The following ADAM23 variants were observed in gnomAD, a reference collection of about 807,000 sequenced individuals.
ADAM23 encodes ADAM metallopeptidase domain 23, also known as disintegrin and metalloproteinase domain-containing protein 23.
Under a neutral mutation model 120.1 loss-of-function variants are expected in ADAM23, and 33 were observed. The ratio of observed to expected loss-of-function variants is 0.27; its 90% confidence interval spans 0.21 to 0.37. The LOEUF (loss-of-function observed/expected upper bound fraction) is 0.37. Ranked by LOEUF, ADAM23 falls within the 10% of genes least tolerant of loss-of-function variation. The probability of loss-of-function intolerance (pLI) is 1.00; values close to 1 mark genes in which losing one functional copy is unlikely to be tolerated. For synonymous variants in ADAM23, 367 were observed against 375.2 expected, an observed-to-expected ratio of 0.98 and a Z score of 0.25; for missense variants, 862 against 1,058.2, an observed-to-expected ratio of 0.81 and a Z score of 2.57.
At chr2:206,564,108 A>G (rs974405146) in intron 13 of ADAM23, among the ~76,000 whole-genome samples, 2 of 152,010 alleles carry the variant, frequency 1.3e-5, no homozygotes, top group African/African-American at 4.8e-5. Flanking sequence ...TAAAAAATCC[A>G]TTTGGAAGTC....
At position 206,465,324 on chromosome 2, in the gene ADAM23, G is replaced by A. The variant is rs532212866; in HGVS notation, c.433-15908G>A. Reference sequence around the variant, plus strand: ...CGAAGAATTGAGATTACAGGTGTGAGCCACTGCATCTGGCCTACGTTCTTG... The same window carrying A: ...CGAAGAATTGAGATTACAGGTGTGAACCACTGCATCTGGCCTACGTTCTTG... On this transcript the variant is annotated intron_variant, in intron 2 of 25. Transcript: ENST00000264377. 2.0e-5 allele frequency among the ~76,000 whole-genome samples: 3 copies of A among 152,244 alleles called. No individual in the cohort carries two copies. The South Asian group carries it at 6.2e-4, about 32-fold the overall frequency.
At chr2:206,578,832 G>C (rs1471398567) in intron 18 of ADAM23, among the ~76,000 whole-genome samples, 1 of 152,102 alleles carries the variant, frequency 6.6e-6, no homozygotes, top group Non-Finnish European at 1.5e-5. Context: ...TTCCATAGTG[G>C]CGGTACTAGT....
chr2:206,588,657 T>G (rs2105846213), intron 20 of ADAM23, among the ~76,000 whole-genome samples: 1 of 152,322 alleles, frequency 6.6e-6, no homozygotes, highest in Admixed American at 6.5e-5. Context: ...CTTAGTACAT[T>G]CCGTAAAAGT....
At chr2:206,605,980 C>G in intron 24 of ADAM23, 1 of 585,598 alleles carries the variant, frequency 1.7e-6, no homozygotes, top group East Asian at 2.9e-5. Flanking sequence ...GACCGTGTTT[C>G]CTGTGGTAGT....
intron 18 of ADAM23, among the ~76,000 whole-genome samples, chr2:206,577,046 A>C (rs182074335): frequency 3.9e-5 from 6 of 152,288 alleles, no homozygotes; most frequent in African/African-American, 1.4e-4. Context: ...TTAGAGACTG[A>C]ATCCAATGCT....
chr2:206,453,418 C>T (rs932723155), intron 2 of ADAM23, among the ~76,000 whole-genome samples: 1 of 151,984 alleles, frequency 6.6e-6, no homozygotes, highest in Non-Finnish European at 1.5e-5. Flanking sequence ...TATTTTATTC[C>T]TTTCAAGAAT....
chr2:206,473,075 CT>C (rs1177527271), intron 2 of ADAM23, among the ~76,000 whole-genome samples: 3 of 152,128 alleles, frequency 2.0e-5, no homozygotes, highest in Admixed American at 2.0e-4. Flanking sequence ...TGTTTCCCCC[CT>C]ACTTGTCATT....
rs1325951090 is a variant in ADAM23 at position 206,559,942 on chromosome 2, T to C, written c.1006-13T>C. ...TGTTTTCCTCCTGCACCTGTCCTGT[T>C]GTATACCCTCAGATTTACAAGGAGC... On this transcript the variant is annotated splice_polypyrimidine_tract_variant and intron_variant, in intron 10 of 25. Coordinates refer to ENST00000264377, the MANE Select transcript of ADAM23 (RefSeq NM_003812.4). 1.2e-6 allele frequency: 2 copies of C among 1,609,602 alleles called. No homozygotes were observed. The highest frequency in any genetic ancestry group is 2.2e-5 in the South Asian group (2 of 90,228).
chr2:206,472,705 A>G (rs1360067681), intron 2 of ADAM23, among the ~76,000 whole-genome samples: 1 of 152,202 alleles, frequency 6.6e-6, no homozygotes, highest in African/African-American at 2.4e-5. Flanking sequence ...TTTATTTAGA[A>G]AAGAGCTCTT....
chr2:206,561,239 C>G lies in ADAM23; in HGVS notation c.1254+27C>G, dbSNP rs750647465. 5 of 1,587,646 alleles carry G rather than the reference C, an allele frequency of 3.1e-6. No individual in the cohort carries two copies. The South Asian group carries it at 3.3e-5, about 11-fold the overall frequency. ...TAAATTTTACCAATTAGAGTTTCATCTTTGCATCTGTTCTCTTTTTTCCCT... is the reference window on the plus strand; with the variant it reads ...TAAATTTTACCAATTAGAGTTTCATGTTTGCATCTGTTCTCTTTTTTCCCT... On this transcript the variant is annotated intron_variant, in intron 12 of 25. Coordinates refer to ENST00000264377, the MANE Select transcript of ADAM23 (RefSeq NM_003812.4).
At chr2:206,485,362 G>A (rs776550738) in intron 3 of ADAM23, among the ~76,000 whole-genome samples, 1 of 152,198 alleles carries the variant, frequency 6.6e-6, no homozygotes, top group Non-Finnish European at 1.5e-5. Flanking sequence ...TCCACTATAG[G>A]ATGATCATTG....
At chr2:206,586,556 G>A (rs578256214) in intron 18 of ADAM23, among the ~76,000 whole-genome samples, 1 of 152,250 alleles carries the variant, frequency 6.6e-6, no homozygotes, top group African/African-American at 2.4e-5. Flanking sequence ...GACTGAGGGA[G>A]GACCTCAGTG....
At chr2:206,548,457 G>A in intron 8 of ADAM23, 103 bp downstream of exon 8, 1 of 1,115,100 alleles carries the variant, frequency 9.0e-7, no homozygotes, top group Non-Finnish European at 1.3e-6. Context: ...TCAGATTTTG[G>A]GGACTGTTGT....
At chr2:206,597,667 C>T (rs970618723) in intron 24 of ADAM23, among the ~76,000 whole-genome samples, 4 of 152,130 alleles carry the variant, frequency 2.6e-5, no homozygotes, top group Non-Finnish European at 5.9e-5. Context: ...ACAGGGATGA[C>T]GTTGTACATC....
chr2:206,547,476 G>C lies in ADAM23; in HGVS notation c.768G>C (p.Gln256His). Residue 256 changes from glutamine (Q) to histidine (H), a missense_variant, in exon 7 of 26, where the codon CAG (glutamine) becomes CAC (histidine). Transcript: ENST00000264377. ...TAATCCAGAAAACCTTGGCAGGACA[G>C]TATTCTAAGCAAATGAAGAATCTCA... ...PHIIQKTLAGQYSKQMKNLTM... is the reference protein window; with the variant it reads ...PHIIQKTLAGHYSKQMKNLTM... 1 of 1,612,764 alleles carries C rather than the reference G, an allele frequency of 6.2e-7. No homozygotes were observed. Among genetic ancestry groups the C allele is most frequent in the Non-Finnish European group, 8.5e-7 (1 of 1,179,168 alleles).
At chr2:206,548,396 A>T (rs1443399106) in intron 8 of ADAM23, 42 bp downstream of exon 8, 1 of 1,567,520 alleles carries the variant, frequency 6.4e-7, no homozygotes, top group East Asian at 2.2e-5. Flanking sequence ...ATTTTACTCA[A>T]TGAAGTCATG....
intron 9 of ADAM23, among the ~76,000 whole-genome samples, chr2:206,555,056 T>C (rs1697615931): frequency 6.6e-6 from 1 of 152,190 alleles, no homozygotes; most frequent in Non-Finnish European, 1.5e-5. Context: ...CTTTTCTCTT[T>C]GTATACTCTC....
intron 9 of ADAM23, among the ~76,000 whole-genome samples, chr2:206,552,373 A>G (rs764841984): frequency 9.9e-5 from 15 of 152,160 alleles, no homozygotes; most frequent in Non-Finnish European, 1.9e-4. Flanking sequence ...AAAATAGGAA[A>G]CAGTTACTAC....
intron 2 of ADAM23, among the ~76,000 whole-genome samples, chr2:206,451,756 G>T (rs964047768): frequency 6.6e-6 from 1 of 152,204 alleles, no homozygotes. Context: ...GGGAGTGGCA[G>T]GAAGTGAAGG....
Sources: allele counts gnomAD v4.1 joint callset (sites outside exome capture counted in the v4.1 genomes callset), GRCh38; gene constraint gnomAD v4.1.1; transcripts MANE v1.5; gene names NCBI Gene and HGNC (gene_info 2026-07-23, HGNC 2026-07-21).